The following PEX5L variants were observed in gnomAD, a reference collection of about 807,000 sequenced individuals.
The protein encoded by PEX5L is peroxisomal biogenesis factor 5 like, also known as PEX5-related protein.
A neutral mutation model predicts 84.0 loss-of-function variants in PEX5L; 30 were observed. That is an observed-to-expected ratio of 0.36 (90% CI 0.27 to 0.48). PEX5L has a LOEUF of 0.48. Among genes scored for constraint, PEX5L ranks in the 20% least tolerant of loss-of-function variants. The pLI, the probability that PEX5L is intolerant of heterozygous loss-of-function variation, is 0.99. For missense variants in PEX5L, 533 were observed against 754.6 expected (o/e 0.71, Z 3.44); for synonymous variants, 270 against 283.1 (o/e 0.95, Z 0.46).
intron 2 of PEX5L, among the ~76,000 whole-genome samples, chr3:179,944,140 A>G (rs543041619): frequency 1.4e-4 from 21 of 152,358 alleles, no homozygotes; most frequent in Non-Finnish European, 2.1e-4. Flanking sequence ...AGGAGCCATT[A>G]CAAATTTTAG....
chr3:179,871,879 A>G (rs1002129759), intron 7 of PEX5L, among the ~76,000 whole-genome samples: 1 of 152,036 alleles, frequency 6.6e-6, no homozygotes, highest in Non-Finnish European at 1.5e-5. Context: ...TAATTTGGCT[A>G]ACGTTTTTCT....
At chr3:179,961,195 A>ATGTGTGTG (rs1186882207) in intron 2 of PEX5L, among the ~76,000 whole-genome samples, 5 of 139,824 alleles carry the variant, frequency 3.6e-5, no homozygotes, top group Admixed American at 1.4e-4. Flanking sequence ...TCACTTGTGT[A>ATGTGTGTG]TGTGTATGTG....
chr3:179,801,155 C>T lies in PEX5L; in HGVS notation c.*673G>A, dbSNP rs952752931. On this transcript the variant is annotated 3_prime_UTR_variant, in exon 15 of 15. Coordinates refer to ENST00000467460, the MANE Select transcript of PEX5L (RefSeq NM_016559.3). ...ACCCCCAAGTTAAAAATTGGAGCAA[C>T]AAAACAAAACTCCAGCAAGGCATAA... 6.6e-6 allele frequency: 1 copy of T among 152,488 alleles called. No homozygotes were observed. The highest frequency in any genetic ancestry group is 2.4e-5 in the African/African-American group (1 of 41,402). 9.4% of individuals were successfully genotyped at this position (152,488 alleles called of 1,614,324 possible). A position where few individuals can be genotyped will look rare whatever the true frequency, so the allele number is the denominator to read the frequency against.
intron 7 of PEX5L, among the ~76,000 whole-genome samples, chr3:179,866,941 G>C (rs1418914866): frequency 6.8e-6 from 1 of 147,894 alleles, no homozygotes. Flanking sequence ...CAGGAGAATT[G>C]CTTGAACCTG....
intron 1 of PEX5L, among the ~76,000 whole-genome samples, chr3:180,034,954 T>C (rs1047724773): frequency 1.3e-5 from 2 of 152,170 alleles, no homozygotes; most frequent in Admixed American, 1.3e-4. Flanking sequence ...ATTGAGAAAA[T>C]TGAGTTAAAA....
At chr3:179,883,030 T>A (rs1197380066) in intron 4 of PEX5L, among the ~76,000 whole-genome samples, 1 of 152,126 alleles carries the variant, frequency 6.6e-6, no homozygotes, top group Non-Finnish European at 1.5e-5. Flanking sequence ...CCCAGAAGTT[T>A]GAGCCAGCCT....
intron 1 of PEX5L, among the ~76,000 whole-genome samples, chr3:180,007,240 G>A (rs1347210688): frequency 6.6e-6 from 1 of 152,210 alleles, no homozygotes; most frequent in Non-Finnish European, 1.5e-5. Flanking sequence ...CAGTGGGGCA[G>A]TCAAATTTTA....
At chr3:179,817,095 A>G (rs1264028967) in intron 9 of PEX5L, among the ~76,000 whole-genome samples, 2 of 152,230 alleles carry the variant, frequency 1.3e-5, no homozygotes, top group East Asian at 3.8e-4. Context: ...CCTTTGGAGA[A>G]CTACAAACCA....
intron 1 of PEX5L, among the ~76,000 whole-genome samples, chr3:179,997,924 T>G (rs1332994682): frequency 3.3e-5 from 5 of 152,222 alleles, no homozygotes; most frequent in Non-Finnish European, 5.9e-5. Flanking sequence ...CTCTCTGGCT[T>G]TGTGTCATAA....
chr3:179,842,074 A>C (rs1238627298), intron 8 of PEX5L, among the ~76,000 whole-genome samples: 1 of 152,232 alleles, frequency 6.6e-6, no homozygotes, highest in Non-Finnish European at 1.5e-5. Flanking sequence ...TGGTCCAACA[A>C]ACTGGAATAA....
chr3:179,841,234 C>T (rs7625200), intron 8 of PEX5L, among the ~76,000 whole-genome samples: 10 of 152,246 alleles, frequency 6.6e-5, no homozygotes, highest in African/African-American at 1.7e-4. Flanking sequence ...CACCAGCCCC[C>T]GCCCCAACCT....
At chr3:179,879,571 A>G (rs777851824) in intron 5 of PEX5L, among the ~76,000 whole-genome samples, 9 of 152,214 alleles carry the variant, frequency 5.9e-5, no homozygotes, top group Non-Finnish European at 1.3e-4. Context: ...TGGGCCTTGC[A>G]TTAGAGTTCG....
intron 8 of PEX5L, among the ~76,000 whole-genome samples, chr3:179,850,769 A>G (rs929537107): frequency 2.6e-5 from 4 of 152,218 alleles, no homozygotes; most frequent in Non-Finnish European, 5.9e-5. Context: ...CTTTTTGGAT[A>G]CTGAATCTAA....
chr3:179,947,495 G>A lies in PEX5L; in HGVS notation c.93+24099C>T, dbSNP rs560470219. Among the ~76,000 whole-genome samples the A allele has an allele frequency of 4.8e-4, 73 of 152,068 alleles. 2 individuals are homozygous for A. The South Asian group carries it at 0.015, about 30-fold the overall frequency. ...GGAACTTAACCATAATCTCAGCTAG[G>A]AAGTGGTACAGTCAGGATTAAAACC... On this transcript the variant is annotated intron_variant, in intron 2 of 14. Transcript: ENST00000467460.
chr3:180,026,137 T>C (rs1286671296), intron 1 of PEX5L, among the ~76,000 whole-genome samples: 1 of 146,052 alleles, frequency 6.8e-6, no homozygotes, highest in Non-Finnish European at 1.5e-5. Flanking sequence ...AGCATTCTTT[T>C]TTTTTTTTTT....
chr3:179,851,238 C>G (rs892331280), intron 8 of PEX5L, among the ~76,000 whole-genome samples: 61 of 152,178 alleles, frequency 4.0e-4, no homozygotes, highest in African/African-American at 1.5e-3. Context: ...ACATTTATTT[C>G]TCACAGTTCT....
At chr3:179,883,423 A>G (rs1217861925) in intron 4 of PEX5L, among the ~76,000 whole-genome samples, 2 of 152,080 alleles carry the variant, frequency 1.3e-5, no homozygotes, top group African/African-American at 2.4e-5. Context: ...CAGCTAATCT[A>G]TTTTGGTGTC....
chr3:179,846,925 A>T (rs1739584727), intron 8 of PEX5L, among the ~76,000 whole-genome samples: 1 of 152,098 alleles, frequency 6.6e-6, no homozygotes, highest in Non-Finnish European at 1.5e-5. Flanking sequence ...CAAATGGAAG[A>T]TCTAGAGACA....
chr3:179,808,576 T>C (rs1019547340), intron 12 of PEX5L, 139 bp from the exon 13 acceptor site: 3 of 525,288 alleles, frequency 5.7e-6, no homozygotes, highest in African/African-American at 3.9e-5. Flanking sequence ...CTTAACTCAA[T>C]GAGAGGACTA....
Sources: gnomAD v4.1 joint callset for allele counts (sites outside exome capture counted in the v4.1 genomes callset) on GRCh38, gnomAD v4.1.1 for gene constraint, MANE v1.5 for transcripts, NCBI Gene and HGNC (gene_info 2026-07-23, HGNC 2026-07-21) for gene names.